PRKCE: variants seen among roughly 807,000 people sequenced by gnomAD.
PRKCE encodes the protein protein kinase C epsilon type.
In PRKCE, 16 loss-of-function variants were observed where a neutral mutation model predicts 85.4. The observed-to-expected ratio is 0.19, with a 90% CI of 0.13 to 0.28. The LOEUF (loss-of-function observed/expected upper bound fraction) is 0.28. PRKCE is among the 10% of genes least tolerant of loss of function. PRKCE has a pLI of 1.00. For missense variants in PRKCE, 573 were observed against 975.2 expected, an observed-to-expected ratio of 0.59 and a Z score of 5.49; for synonymous variants, 388 against 371.5, an observed-to-expected ratio of 1.04 and a Z score of -0.51.
chr2:45,719,442 A>T (rs896364733), intron 1 of PRKCE, among the ~76,000 whole-genome samples: 4 of 152,142 alleles, frequency 2.6e-5, no homozygotes, highest in Non-Finnish European at 5.9e-5. Context: ...TTTGGTTTAT[A>T]TTCCCAGGGT....
intron 11 of PRKCE, among the ~76,000 whole-genome samples, chr2:46,095,237 G>C (rs1670570169): frequency 1.3e-5 from 2 of 152,180 alleles, no homozygotes; most frequent in Admixed American, 1.3e-4. Context: ...CTTTCCTCTT[G>C]GAGTGCTTCG....
chr2:45,690,052 T>C (rs900723345), intron 1 of PRKCE, among the ~76,000 whole-genome samples: 1 of 152,228 alleles, frequency 6.6e-6, no homozygotes, highest in Non-Finnish European at 1.5e-5. Flanking sequence ...AGGAAAATCA[T>C]GCACACTATC....
chr2:46,000,052 T>G (rs1180402463), intron 6 of PRKCE, among the ~76,000 whole-genome samples: 1 of 152,242 alleles, frequency 6.6e-6, no homozygotes, highest in Non-Finnish European at 1.5e-5. Flanking sequence ...CATAGTTGTT[T>G]TAAATTCCCA....
At chr2:45,688,728 G>A (rs1677494331) in intron 1 of PRKCE, among the ~76,000 whole-genome samples, 1 of 152,168 alleles carries the variant, frequency 6.6e-6, no homozygotes, top group African/African-American at 2.4e-5. Flanking sequence ...GAAAAATAAG[G>A]AACAGAGAAC....
At chr2:45,825,816 A>C (rs999514441) in intron 1 of PRKCE, among the ~76,000 whole-genome samples, 3 of 152,144 alleles carry the variant, frequency 2.0e-5, no homozygotes, top group Non-Finnish European at 1.5e-5. Flanking sequence ...TGAGCCCAGG[A>C]GTTAGAAGCT....
At chr2:46,122,164 C>T (rs1042851550) in intron 11 of PRKCE, among the ~76,000 whole-genome samples, 2 of 152,138 alleles carry the variant, frequency 1.3e-5, no homozygotes, top group Non-Finnish European at 2.9e-5. Context: ...GAGGTAGCCA[C>T]CATTCTGCCA....
chr2:45,947,518 A>G (rs561189650), intron 2 of PRKCE, among the ~76,000 whole-genome samples: 1 of 152,354 alleles, frequency 6.6e-6, no homozygotes, highest in African/African-American at 2.4e-5. Context: ...AAATTATGCA[A>G]ACTAAAATAA....
intron 1 of PRKCE, among the ~76,000 whole-genome samples, chr2:45,779,436 G>C (rs947799590): frequency 2.6e-5 from 4 of 152,116 alleles, no homozygotes; most frequent in African/African-American, 9.7e-5. Flanking sequence ...TGCTGATCTT[G>C]GGCTGTGCCA....
chr2:45,931,911 G>T (rs1407534049), intron 2 of PRKCE, among the ~76,000 whole-genome samples: 6 of 152,052 alleles, frequency 3.9e-5, no homozygotes, highest in African/African-American at 1.2e-4. Flanking sequence ...CTTACCATGA[G>T]ACTGGCCAGG....
intron 14 of PRKCE, among the ~76,000 whole-genome samples, chr2:46,169,491 G>C (rs1678677979): frequency 6.6e-6 from 1 of 152,180 alleles, no homozygotes; most frequent in African/African-American, 2.4e-5. Context: ...ACAGAGCTTG[G>C]AGATCAATGG....
chr2:45,992,909 G>T (rs983915245), intron 6 of PRKCE, among the ~76,000 whole-genome samples: 6 of 152,236 alleles, frequency 3.9e-5, no homozygotes, highest in Admixed American at 3.9e-4. Flanking sequence ...GCACATAGTA[G>T]GTCCTCAACA....
At chr2:46,075,027 A>G (rs533825732) in intron 10 of PRKCE, among the ~76,000 whole-genome samples, 70 of 152,290 alleles carry the variant, frequency 4.6e-4, no homozygotes, top group Non-Finnish European at 8.8e-4. Context: ...TTTCATTTCT[A>G]TGCTCAAAAA....
intron 1 of PRKCE, among the ~76,000 whole-genome samples, chr2:45,830,625 T>C (rs1690345772): frequency 6.6e-6 from 1 of 152,112 alleles, no homozygotes; most frequent in African/African-American, 2.4e-5. Flanking sequence ...TCAGTTTCAT[T>C]TAGGACAATG....
rs566847877 is a variant in PRKCE, at chr2:45,724,389, T to C, written c.348+71941T>C. Among the ~76,000 whole-genome samples, 3 of 152,334 alleles carry C rather than the reference T, an allele frequency of 2.0e-5. No homozygotes were observed. The East Asian group carries it at 5.8e-4, about 29-fold the overall frequency. On this transcript the variant is annotated intron_variant, in intron 1 of 14. Transcript: ENST00000306156. ...AGCCATTTCCCTGTCTCTCTCCCTC[T>C]CCTTCAGCCTCTCTAATTCTCTGAG...
rs112402940 is a variant in PRKCE, at chr2:46,155,646, C to T, written c.1921-3960C>T. 2.7e-4 allele frequency among the ~76,000 whole-genome samples: 41 copies of T among 152,336 alleles called. No individual in the cohort carries two copies. Among genetic ancestry groups the T allele is most frequent in the African/African-American group, 9.6e-4 (40 of 41,566 alleles). On this transcript the variant is annotated intron_variant, in intron 13 of 14. Transcript: ENST00000306156. The surrounding 1 kb of genome is among the most constrained non-coding windows in gnomAD (Gnocchi z 4.7). The stretch of plus-strand genomic sequence containing the variant: ...GGATGGTCCCCCTCAAATCTGCTCA[C>T]TCTCAAATTCCTTGGTTCAGTAAAT...
rs1246355136 is a variant in PRKCE, at chr2:46,007,671, A to C, written c.1263+10A>C. 4 of 1,599,090 alleles carry C rather than the reference A, an allele frequency of 2.5e-6. No homozygotes were observed. The highest frequency in any genetic ancestry group is 1.7e-5 in the Admixed American group (1 of 60,004). On this transcript the variant is annotated intron_variant, in intron 9 of 14. Coordinates refer to ENST00000306156, the MANE Select transcript of PRKCE (RefSeq NM_005400.3). ...AGGCAGCTTTGGCAAGGTCTGTGGC[A>C]CACACGGGTGGAACTGCTGGTTTTG...
At chr2:45,910,557 G>A (rs1298774145) in intron 2 of PRKCE, among the ~76,000 whole-genome samples, 3 of 152,176 alleles carry the variant, frequency 2.0e-5, no homozygotes, top group African/African-American at 7.2e-5. Flanking sequence ...GCCTTTGGGT[G>A]AGGTTCTTGG....
intron 11 of PRKCE, among the ~76,000 whole-genome samples, chr2:46,120,181 C>T (rs911346014): frequency 6.6e-6 from 1 of 152,244 alleles, no homozygotes; most frequent in Admixed American, 6.5e-5. Flanking sequence ...TTCAGACACT[C>T]ATCAACCATA....
At chr2:45,969,795 G>A (rs1052499681) in intron 2 of PRKCE, among the ~76,000 whole-genome samples, 3 of 152,176 alleles carry the variant, frequency 2.0e-5, no homozygotes, top group African/African-American at 4.8e-5. Flanking sequence ...CCGTTCTTAC[G>A]TTATCTTCAG....
Sources: gnomAD v4.1 joint callset for allele counts (sites outside exome capture counted in the v4.1 genomes callset) on GRCh38, gnomAD v4.1.1 for gene constraint, Gnocchi (gnomAD v3.1) non-coding constraint, MANE v1.5 for transcripts, NCBI Gene and HGNC (gene_info 2026-07-23, HGNC 2026-07-21) for gene names.